The following NUDT13 variants were observed in gnomAD, a reference collection of about 807,000 sequenced individuals.
NUDT13 encodes nudix hydrolase 13.
Under a neutral mutation model 41.7 loss-of-function variants are expected in NUDT13, and 40 were observed. The observed-to-expected ratio is 0.96, with a 90% CI of 0.75 to 1.25. The LOEUF (loss-of-function observed/expected upper bound fraction) is 1.25, where lower values mean the gene tolerates loss of function less well. Among genes scored for constraint, NUDT13 ranks in the 50% most tolerant of loss-of-function variants. NUDT13 has a pLI of 0.00. For missense variants in NUDT13, 390 were observed against 416.1 expected (o/e 0.94, Z 0.55); for synonymous variants, 145 against 155.5 (o/e 0.93, Z 0.50).
chr10:73,122,393 T>C (rs1289512872), intron 4 of NUDT13, 84 bp downstream of exon 4: 3 of 1,338,444 alleles, frequency 2.2e-6, no homozygotes, highest in Non-Finnish European at 3.1e-6. Flanking sequence ...TAAAGGAAAA[T>C]TTGGGGAATA....
At chr10:73,124,098 T>G in intron 4 of NUDT13, 116 bp from the exon 5 acceptor site, 2 of 687,490 alleles carry the variant, frequency 2.9e-6, no homozygotes, top group Non-Finnish European at 5.1e-6. Context: ...CCCCCACACC[T>G]AGCTGAATCT....
At position 73,131,032 on chromosome 10, in the gene NUDT13, T is replaced by C. The variant is rs755657381; in HGVS notation, c.*129T>C. The C allele has an allele frequency of 2.9e-6, 2 of 694,620 alleles. No homozygotes were observed. The highest frequency in any genetic ancestry group is 4.9e-6 in the Non-Finnish European group (2 of 410,046). 43.0% of individuals were successfully genotyped at this position (694,620 alleles called of 1,614,324 possible). On this transcript the variant is annotated 3_prime_UTR_variant, in exon 9 of 9. Coordinates refer to ENST00000357321, the MANE Select transcript of NUDT13 (RefSeq NM_015901.6). ...AGAAGGGCAGAGCAAAGGGTGAGCC[T>C]ACAGTAAGACACTTCTATCAGCAGT...
Position 73,119,946 on chromosome 10 carries a change from A to C in NUDT13, c.84-72A>C, listed in dbSNP as rs544362402. 8.3e-6 allele frequency: 12 copies of C among 1,442,720 alleles called. No homozygotes were observed. The South Asian group carries it at 1.4e-4, about 17-fold the overall frequency. The allele number at this position is 1,442,720 out of a possible 1,614,324, so 89.4% of individuals were successfully genotyped here. ...GGTAAGAGAGGGATGCAGCGACAGC[A>C]TTCTCAAAGATGAATGCTATACAGG... On this transcript the variant is annotated intron_variant, in intron 2 of 8. Coordinates refer to ENST00000357321, the MANE Select transcript of NUDT13 (RefSeq NM_015901.6).
intron 4 of NUDT13, among the ~76,000 whole-genome samples, chr10:73,123,201 C>T (rs1189994114): frequency 6.6e-6 from 1 of 152,124 alleles, no homozygotes; most frequent in Non-Finnish European, 1.5e-5. Context: ...AGCCCGGTCA[C>T]ATTTTGTATA....
chr10:73,120,956 T>C (rs918600034), intron 3 of NUDT13, among the ~76,000 whole-genome samples: 1 of 151,382 alleles, frequency 6.6e-6, no homozygotes, highest in Non-Finnish European at 1.5e-5. Context: ...AAAAAAAAGT[T>C]CCATCATAAC....
chr10:73,122,330 C>T (rs750566768), intron 4 of NUDT13, 21 bp downstream of exon 4: 11 of 1,596,590 alleles, frequency 6.9e-6, no homozygotes, highest in Admixed American at 3.6e-5. Flanking sequence ...TTATTCCTAA[C>T]GGGTACTTCC....
intron 1 of NUDT13, among the ~76,000 whole-genome samples, 194 bp downstream of exon 1, chr10:73,110,761 A>T (rs1842345190): frequency 6.6e-6 from 1 of 152,234 alleles, no homozygotes; most frequent in African/African-American, 2.4e-5. Context: ...CAGTAACCAC[A>T]GCTCATCATT....
At chr10:73,125,647 C>A in intron 7 of NUDT13, 138 bp downstream of exon 7, 1 of 246,588 alleles carries the variant, frequency 4.1e-6, no homozygotes, top group Non-Finnish European at 7.3e-6. Context: ...TGCTTTCTGG[C>A]ATTTTATATA....
chr10:73,117,211 G>C (rs963658178), intron 2 of NUDT13, among the ~76,000 whole-genome samples: 1 of 151,476 alleles, frequency 6.6e-6, no homozygotes, highest in Non-Finnish European at 1.5e-5. Context: ...ATTAAATAGA[G>C]TCTAAAATTT....
At chr10:73,128,256 A>G (rs1842839007) in intron 8 of NUDT13, among the ~76,000 whole-genome samples, 1 of 152,178 alleles carries the variant, frequency 6.6e-6, no homozygotes, top group Admixed American at 6.5e-5. Flanking sequence ...GGGATGCTAG[A>G]TCAAAGGGTA....
chr10:73,116,876 ATTTTTTTTTT>A (rs56229464), intron 2 of NUDT13, among the ~76,000 whole-genome samples: 5 of 81,868 alleles, frequency 6.1e-5, no homozygotes, highest in Admixed American at 1.4e-4. Flanking sequence ...GACTACAAGA[ATTTTTTTTTT>A]TTTTTTTTTT....
chr10:73,122,735 C>A (rs1438895918), intron 4 of NUDT13, among the ~76,000 whole-genome samples: 4 of 146,954 alleles, frequency 2.7e-5, no homozygotes, highest in African/African-American at 1.0e-4. Flanking sequence ...CCATGCCCAG[C>A]TAATTTTTAA....
intron 2 of NUDT13, 49 bp downstream of exon 2, chr10:73,114,497 A>T: frequency 1.1e-6 from 1 of 921,398 alleles, no homozygotes; most frequent in Admixed American, 2.2e-5. Flanking sequence ...GGCCCATTAA[A>T]CTATTGTGAT....
chr10:73,116,998 G>C (rs1286044341), intron 2 of NUDT13, among the ~76,000 whole-genome samples: 1 of 136,872 alleles, frequency 7.3e-6, no homozygotes, highest in Non-Finnish European at 1.5e-5. Flanking sequence ...TGATTCTCCT[G>C]CCTCAGCCTC....
chr10:73,127,271 T>C (rs1842811965), intron 8 of NUDT13, among the ~76,000 whole-genome samples: 2 of 151,850 alleles, frequency 1.3e-5, no homozygotes, highest in African/African-American at 4.8e-5. Flanking sequence ...CCCAGCTATT[T>C]GGGAGGCTGA....
chr10:73,125,347 A>G, intron 6 of NUDT13, 51 bp from the exon 7 acceptor site: 1 of 1,610,160 alleles, frequency 6.2e-7, no homozygotes, highest in Non-Finnish European at 8.5e-7. Flanking sequence ...GCTTTAGCTC[A>G]TTGGCAGGGC....
In NUDT13 at chr10:73,115,388, T is replaced by C. The variant is rs560819407; in HGVS notation, c.83+940T>C. ...AGACAGGGTTTTGCCATGTTGTCCA[T>C]GCTGGTCTGAACTGAGCTCTGGCAA... is the stretch of plus-strand genomic sequence containing the variant. On this transcript the variant is annotated intron_variant, in intron 2 of 8. Transcript: ENST00000357321. Among the ~76,000 whole-genome samples, 4 of 152,186 alleles carry C rather than the reference T, an allele frequency of 2.6e-5. No homozygotes were observed. In the East Asian group the frequency reaches 5.8e-4, roughly 22 times the overall value.
intron 1 of NUDT13, among the ~76,000 whole-genome samples, chr10:73,111,205 C>T (rs1203424920): frequency 6.6e-6 from 1 of 152,144 alleles, no homozygotes; most frequent in Non-Finnish European, 1.5e-5. Context: ...GTCTCGATCT[C>T]CTGACCTCGT....
chr10:73,116,492 C>T (rs1842512199), intron 2 of NUDT13, among the ~76,000 whole-genome samples: 2 of 152,012 alleles, frequency 1.3e-5, no homozygotes, highest in South Asian at 4.1e-4. Flanking sequence ...GCCTGTAATC[C>T]CAGCACTTTG....
Sources: allele counts gnomAD v4.1 joint callset (sites outside exome capture counted in the v4.1 genomes callset), GRCh38; gene constraint gnomAD v4.1.1; transcripts MANE v1.5; gene names NCBI Gene and HGNC (gene_info 2026-07-23, HGNC 2026-07-21).